GPC6: variants seen among roughly 807,000 people sequenced by gnomAD.
GPC6 encodes glypican 6.
A neutral mutation model predicts 55.2 loss-of-function variants in GPC6; 14 were observed. The ratio of observed to expected loss-of-function variants is 0.25; its 90% CI spans 0.17 to 0.40. GPC6 has a LOEUF of 0.40. GPC6 is among the 10% of genes least tolerant of loss of function. GPC6 has a pLI of 1.00. For synonymous variants in GPC6, 278 were observed against 259.6 expected, an observed-to-expected ratio of 1.07 and a Z score of -0.68; for missense variants, 641 against 708.5, an observed-to-expected ratio of 0.90 and a Z score of 1.08.
intron 2 of GPC6, among the ~76,000 whole-genome samples, chr13:93,793,019 CTG>C (rs1412441202): frequency 7.2e-5 from 11 of 151,982 alleles, no homozygotes; most frequent in Admixed American, 7.2e-4. Context: ...TTTGGCAAGA[CTG>C]TTGCAAGAAT....
At chr13:93,458,444 A>C (rs574898901) in intron 1 of GPC6, among the ~76,000 whole-genome samples, 4 of 151,986 alleles carry the variant, frequency 2.6e-5, no homozygotes, top group Non-Finnish European at 5.9e-5. Context: ...CTACCCCCCC[A>C]TATAAGTTCC....
At chr13:94,072,291 G>A (rs906076022) in intron 4 of GPC6, among the ~76,000 whole-genome samples, 2 of 151,994 alleles carry the variant, frequency 1.3e-5, no homozygotes, top group Non-Finnish European at 2.9e-5. Context: ...AAAACATAAC[G>A]TCTTTTGCTT....
At chr13:93,980,190 A>G (rs1224501834) in intron 3 of GPC6, among the ~76,000 whole-genome samples, 1 of 152,146 alleles carries the variant, frequency 6.6e-6, no homozygotes, top group Non-Finnish European at 1.5e-5. Context: ...TCCCCTTTTT[A>G]ATGGGTTGTC....
At chr13:93,240,947 A>G (rs1032921197) in intron 1 of GPC6, among the ~76,000 whole-genome samples, 2 of 152,140 alleles carry the variant, frequency 1.3e-5, no homozygotes, top group Non-Finnish European at 2.9e-5. Flanking sequence ...ACTCTGTTTA[A>G]GAAGACTAAA....
Position 93,285,734 on chromosome 13 carries a change from CA to C in GPC6, c.160+58122del, listed in dbSNP as rs1878102550. ...TTTAAAACCCAGGTTAAATAGTTAG[CA>C]AAACTCAGGATAGCTTTTTCTAAGT... On this transcript the variant is annotated intron_variant, in intron 1 of 8. Transcript: ENST00000377047. Among the ~76,000 whole-genome samples, 6 of 149,938 alleles carry C rather than the reference CA, an allele frequency of 4.0e-5. 1 individual carries two copies. The South Asian group carries it at 1.3e-3, about 32-fold the overall frequency.
At chr13:94,306,320 T>G (rs1030988250) in intron 6 of GPC6, 197 bp downstream of exon 6, 1 of 681,934 alleles carries the variant, frequency 1.5e-6, no homozygotes, top group Non-Finnish European at 2.6e-6. Context: ...AAGAAATCTA[T>G]TAATCCATTA....
intron 4 of GPC6, among the ~76,000 whole-genome samples, chr13:94,152,566 T>C (rs1046307272): frequency 2.5e-4 from 38 of 152,136 alleles, no homozygotes; most frequent in African/African-American, 8.9e-4. Context: ...AGAGCATTAC[T>C]GAGATCAAGT....
At chr13:94,076,373 T>C (rs1415396356) in intron 4 of GPC6, among the ~76,000 whole-genome samples, 4 of 151,966 alleles carry the variant, frequency 2.6e-5, no homozygotes, top group Non-Finnish European at 4.4e-5. Context: ...TATCTATCTA[T>C]CTATCTTACT....
intron 1 of GPC6, among the ~76,000 whole-genome samples, chr13:93,390,074 T>C (rs1432008499): frequency 6.6e-6 from 1 of 151,960 alleles, no homozygotes; most frequent in Non-Finnish European, 1.5e-5. Flanking sequence ...TATGGGGATA[T>C]GCTGTGTTTA....
At chr13:93,722,583 A>C (rs1883490143) in intron 2 of GPC6, among the ~76,000 whole-genome samples, 1 of 151,866 alleles carries the variant, frequency 6.6e-6, no homozygotes, top group African/African-American at 2.4e-5. Context: ...TTCAAATATC[A>C]AAGAAGCATC....
intron 4 of GPC6, among the ~76,000 whole-genome samples, chr13:94,220,891 G>A (rs1447448374): frequency 6.6e-6 from 1 of 152,020 alleles, no homozygotes; most frequent in Non-Finnish European, 1.5e-5. Flanking sequence ...TTACATTCAG[G>A]TCACATTCTA....
chr13:94,103,221 C>A (rs940664354), intron 4 of GPC6, among the ~76,000 whole-genome samples: 1 of 152,100 alleles, frequency 6.6e-6, no homozygotes, highest in African/African-American at 2.4e-5. Flanking sequence ...TGAACTCATC[C>A]TTTTTTATGG....
At chr13:93,319,818 G>T (rs1879372425) in intron 1 of GPC6, among the ~76,000 whole-genome samples, 1 of 151,928 alleles carries the variant, frequency 6.6e-6, no homozygotes, top group Non-Finnish European at 1.5e-5. Context: ...GCCTCTAGAT[G>T]AGAAAAATAC....
chr13:94,068,368 T>C (rs1323655935), intron 4 of GPC6, among the ~76,000 whole-genome samples: 3 of 152,100 alleles, frequency 2.0e-5, no homozygotes, highest in Admixed American at 6.5e-5. Flanking sequence ...TCCCATGACA[T>C]GTGGAAAATG....
intron 3 of GPC6, among the ~76,000 whole-genome samples, chr13:93,998,821 C>A (rs772188285): frequency 1.3e-5 from 2 of 151,960 alleles, no homozygotes; most frequent in Non-Finnish European, 2.9e-5. Context: ...ATATGCATTA[C>A]CTCACATACC....
intron 6 of GPC6, among the ~76,000 whole-genome samples, chr13:94,376,829 ATGGTAC>A (rs1407101515): frequency 4.0e-5 from 6 of 151,476 alleles, no homozygotes; most frequent in African/African-American, 9.7e-5. Flanking sequence ...CCAAAACAGC[ATGGTAC>A]TGGTACCAAA....
chr13:93,562,359 A>G (rs1031528672), intron 2 of GPC6, among the ~76,000 whole-genome samples: 28 of 152,182 alleles, frequency 1.8e-4, no homozygotes, highest in Admixed American at 1.8e-3. Context: ...AACATATGAA[A>G]TTTAGCAATT....
At chr13:93,682,516 A>T (rs1881882396) in intron 2 of GPC6, among the ~76,000 whole-genome samples, 1 of 152,118 alleles carries the variant, frequency 6.6e-6, no homozygotes, top group Non-Finnish European at 1.5e-5. Context: ...TCCAGAAGGA[A>T]GGGTGTAAGC....
At chr13:94,266,492 G>A (rs1891822950) in intron 4 of GPC6, among the ~76,000 whole-genome samples, 1 of 151,990 alleles carries the variant, frequency 6.6e-6, no homozygotes, top group Admixed American at 6.6e-5. Context: ...TCTTACTGCT[G>A]TTCTCCTTGT....
Sources: allele counts gnomAD v4.1 joint callset (sites outside exome capture counted in the v4.1 genomes callset), GRCh38; gene constraint gnomAD v4.1.1; transcripts MANE v1.5; gene names NCBI Gene and HGNC (gene_info 2026-07-23, HGNC 2026-07-21).